MMP26: variants seen among roughly 807,000 people sequenced by gnomAD.
MMP26 encodes the protein matrix metallopeptidase 26.
In MMP26, 33 loss-of-function variants were observed where a neutral mutation model predicts 31.0. The ratio of observed to expected loss-of-function variants is 1.06; its 90% CI spans 0.81 to 1.42. The LOEUF (loss-of-function observed/expected upper bound fraction) is 1.42. Ranked by LOEUF, MMP26 falls within the 40% of genes most tolerant of loss-of-function variation. The pLI is 0.00. For missense variants in MMP26, 347 were observed against 316.1 expected (o/e 1.10, Z -0.74); for synonymous variants, 122 against 114.9 (o/e 1.06, Z -0.40).
At chr11:4,868,624 C>T (rs899871543) in intron 2 of MMP26, among the ~76,000 whole-genome samples, 7 of 152,090 alleles carry the variant, frequency 4.6e-5, no homozygotes, top group East Asian at 1.9e-4. Context: ...ATCGATATCA[C>T]GAAAATGGCC....
At chr11:4,989,171 T>A (rs537403683) in intron 3 of MMP26, among the ~76,000 whole-genome samples, 10 of 152,286 alleles carry the variant, frequency 6.6e-5, no homozygotes, top group African/African-American at 2.4e-4. Flanking sequence ...AGACAAGGAA[T>A]AGGTAAACAA....
At chr11:4,938,055 T>G (rs569974860) in intron 2 of MMP26, 1 of 152,076 alleles carries the variant, frequency 6.6e-6, no homozygotes, top group South Asian at 2.1e-4. Flanking sequence ...AAGTGATGGG[T>G]AAGGAAGACA....
intron 2 of MMP26, among the ~76,000 whole-genome samples, chr11:4,938,899 G>C (rs905911470): frequency 2.0e-5 from 3 of 152,056 alleles, no homozygotes; most frequent in African/African-American, 7.2e-5. Flanking sequence ...TGTATAGAAG[G>C]TAGTCTAAAT....
chr11:4,795,146 T>C (rs756720190), intron 2 of MMP26: 4 of 152,210 alleles, frequency 2.6e-5, no homozygotes, highest in East Asian at 3.8e-4. Context: ...GAAAGAAATA[T>C]ATGTGTTCCT....
chr11:4,882,844 G>A, intron 2 of MMP26: 1 of 1,613,684 alleles, frequency 6.2e-7, no homozygotes, highest in South Asian at 1.1e-5. Flanking sequence ...AGGGTTCATG[G>A]GGTTTTAATG....
intron 1 of MMP26, among the ~76,000 whole-genome samples, chr11:4,714,898 A>T (rs986948084): frequency 2.6e-5 from 3 of 113,226 alleles, no homozygotes; most frequent in Non-Finnish European, 5.7e-5. Context: ...TAAAACCCCA[A>T]ATCTCTCTCT....
chr11:4,735,547 T>A (rs1848228691), intron 1 of MMP26, among the ~76,000 whole-genome samples: 2 of 152,232 alleles, frequency 1.3e-5, no homozygotes, highest in Admixed American at 6.5e-5. Flanking sequence ...ATATTCTTAT[T>A]ACTCCTGTTG....
At chr11:4,936,539 C>T (rs1564810409) in intron 2 of MMP26, among the ~76,000 whole-genome samples, 1 of 152,020 alleles carries the variant, frequency 6.6e-6, no homozygotes, top group Non-Finnish European at 1.5e-5. Flanking sequence ...AGTGAAAATG[C>T]AGTCTTACTT....
chr11:4,951,373 C>T lies in MMP26; in HGVS notation c.-144-36695C>T, dbSNP rs371121750. Among the ~76,000 whole-genome samples the T allele has an allele frequency of 3.2e-5, 4 of 124,638 alleles. 1 individual carries two copies. The highest frequency in any genetic ancestry group is 1.1e-4 in the African/African-American group (4 of 36,748). 81.8% of individuals were successfully genotyped at this position (124,638 alleles called of 152,430 possible). On this transcript the variant is annotated intron_variant, in intron 2 of 7. Transcript: ENST00000380390. ...ACTGCTAGGTACAAAGGTACTTAAT[C>T]ACTGATGCAGAATAATGTATGCTTT...
chr11:4,912,577 A>C (rs1275289624), intron 2 of MMP26: 1 of 152,176 alleles, frequency 6.6e-6, no homozygotes. Context: ...GCTGTGTACA[A>C]CTAATCATAG....
intron 2 of MMP26, among the ~76,000 whole-genome samples, chr11:4,960,528 A>G (rs1278909810): frequency 7.7e-6 from 1 of 130,358 alleles, no homozygotes; most frequent in African/African-American, 2.9e-5. Context: ...ACGTGGGTCT[A>G]TTATCTGCTA....
intron 1 of MMP26, among the ~76,000 whole-genome samples, chr11:4,759,925 G>A (rs1353629514): frequency 1.3e-5 from 2 of 152,102 alleles, no homozygotes; most frequent in African/African-American, 4.8e-5. Context: ...TCGGCCTCTC[G>A]CTAGTCAAAT....
At chr11:4,802,487 C>T (rs12289085) in intron 2 of MMP26, among the ~76,000 whole-genome samples, 22,704 of 152,062 alleles carry the variant, frequency 0.15, 1,801 homozygotes, top group Middle Eastern at 0.21. Context: ...GTCCTTGGGA[C>T]TGAGAGGTAT....
intron 2 of MMP26, among the ~76,000 whole-genome samples, chr11:4,852,020 A>G (rs1384706842): frequency 1.3e-5 from 2 of 152,168 alleles, no homozygotes; most frequent in African/African-American, 2.4e-5. Context: ...ATAGAAAAGC[A>G]AGTTATAACT....
chr11:4,769,603 A>C (rs751213449), intron 2 of MMP26: 6 of 1,613,238 alleles, frequency 3.7e-6, no homozygotes, highest in Non-Finnish European at 4.2e-6. Context: ...ATCCATGAAG[A>C]AAAAACATCT....
chr11:4,966,819 G>A (rs1309118207), intron 2 of MMP26, among the ~76,000 whole-genome samples: 6 of 152,152 alleles, frequency 3.9e-5, no homozygotes, highest in Admixed American at 6.5e-5. Context: ...AAGCTGTCAG[G>A]CCTTTAATGA....
At chr11:4,960,979 AGTCAGTAATT>A (rs1846513473) in intron 2 of MMP26, among the ~76,000 whole-genome samples, 1 of 152,216 alleles carries the variant, frequency 6.6e-6, no homozygotes, top group South Asian at 2.1e-4. Context: ...ATGAAGCTAT[AGTCAGTAATT>A]GTATGCACTC....
chr11:4,950,055 C>A (rs1846357055), intron 2 of MMP26, among the ~76,000 whole-genome samples: 1 of 122,812 alleles, frequency 8.1e-6, no homozygotes. Context: ...TGACACAATT[C>A]TATAAGGAAT....
chr11:4,712,546 T>C (rs1234092117), intron 1 of MMP26: 1 of 152,182 alleles, frequency 6.6e-6, no homozygotes, highest in Non-Finnish European at 1.5e-5. Flanking sequence ...TTAAATTTCA[T>C]ATGGATAGGA....
Sources: gnomAD v4.1 joint callset for allele counts (sites outside exome capture counted in the v4.1 genomes callset) on GRCh38, gnomAD v4.1.1 for gene constraint, MANE v1.5 for transcripts, NCBI Gene and HGNC (gene_info 2026-07-23, HGNC 2026-07-21) for gene names.